DGKH: variants seen among roughly 807,000 people sequenced by gnomAD.
DGKH encodes the protein DAG kinase eta.
Under a neutral mutation model 159.3 loss-of-function variants are expected in DGKH, and 90 were observed. The ratio of observed to expected loss-of-function variants is 0.57; its 90% CI spans 0.48 to 0.67. The LOEUF is 0.67. Among genes scored for constraint, DGKH ranks in the 30% least tolerant of loss-of-function variants. DGKH has a pLI of 0.00. For missense variants in DGKH, 1,181 were observed against 1,506.1 expected, an observed-to-expected ratio of 0.78 and a Z score of 3.57; for synonymous variants, 536 against 553.8, an observed-to-expected ratio of 0.97 and a Z score of 0.45.
At position 42,229,467 on chromosome 13, in the gene DGKH, T is replaced by C. The variant is rs983659430; in HGVS notation, c.*279T>C. ...ATAAGGTAGGAGGAATCTGAGACGA[T>C]TGCATTGTCTAAACAGTGGAATTGC... On this transcript the variant is annotated 3_prime_UTR_variant, in exon 30 of 30. Coordinates refer to ENST00000337343, the MANE Select transcript of DGKH (RefSeq NM_178009.5). The C allele has an allele frequency of 3.1e-6, 1 of 323,148 alleles. No individual in the cohort carries two copies. The highest frequency in any genetic ancestry group is 5.6e-6 in the Non-Finnish European group (1 of 177,610). The allele number at this position is 323,148 out of a possible 1,614,324, so 20.0% of individuals were successfully genotyped here. A position where few individuals can be genotyped will look rare whatever the true frequency, so the allele number is the denominator to read the frequency against.
chr13:42,101,263 T>C (rs373805056), intron 1 of DGKH, among the ~76,000 whole-genome samples: 27 of 152,354 alleles, frequency 1.8e-4, no homozygotes, highest in African/African-American at 6.3e-4. Flanking sequence ...AAAAATAGTC[T>C]TCTAGAACTT....
chr13:42,250,031 C>T (rs1374961489), intron 29 of DGKH, among the ~76,000 whole-genome samples: 7 of 150,518 alleles, frequency 4.7e-5, no homozygotes, highest in East Asian at 2.0e-4. Context: ...AGTGCAGTGG[C>T]GCGATCTGGG....
intron 1 of DGKH, among the ~76,000 whole-genome samples, chr13:42,086,383 C>T (rs1174538745): frequency 6.6e-6 from 1 of 152,118 alleles, no homozygotes; most frequent in Non-Finnish European, 1.5e-5. Context: ...GCTGTCTCTA[C>T]AATATTGGTA....
Position 42,233,393 on chromosome 13 carries a change from T to C in DGKH, c.*4205T>C, listed in dbSNP as rs1199291438. 2 of 152,190 alleles carry C rather than the reference T, an allele frequency of 1.3e-5. No homozygotes were observed. Among genetic ancestry groups the C allele is most frequent in the African/African-American group, 4.8e-5 (2 of 41,436 alleles). The allele number at this position is 152,190 out of a possible 1,614,324, so 9.4% of individuals were successfully genotyped here. A position where few individuals can be genotyped will look rare whatever the true frequency, so the allele number is the denominator to read the frequency against. Reference sequence around the variant, plus strand: ...GAATCAAAATCTTCCTTTAGCAAAATTTCTCAAACGATTAGCACTGGCCTA... The same window carrying C: ...GAATCAAAATCTTCCTTTAGCAAAACTTCTCAAACGATTAGCACTGGCCTA... On this transcript the variant is annotated 3_prime_UTR_variant, in exon 30 of 30. Coordinates refer to ENST00000337343, the MANE Select transcript of DGKH (RefSeq NM_178009.5).
chr13:42,179,450 T>C (rs1956691047), intron 13 of DGKH, among the ~76,000 whole-genome samples: 1 of 152,174 alleles, frequency 6.6e-6, no homozygotes, highest in Admixed American at 6.5e-5. Flanking sequence ...AAACAGAGTT[T>C]TAGTATTTTA....
rs758155242 is a variant in DGKH at position 42,190,414 on chromosome 13, C to G, written c.1924C>G (p.Pro642Ala). The G allele has an allele frequency of 8.7e-6, 14 of 1,606,626 alleles. No individual in the cohort carries two copies. In the East Asian group the frequency reaches 2.9e-4, roughly 34 times the overall value. Reference protein sequence around the residue: ...IEEAGKVMDDPTVHPCEPANQ... With the variant: ...IEEAGKVMDDATVHPCEPANQ... Reference sequence around the variant, plus strand: ...CTTACTACCTGAAGTTATGGATGACCCGACAGTTCACCCCTGTGAACCAGC... The same window carrying G: ...CTTACTACCTGAAGTTATGGATGACGCGACAGTTCACCCCTGTGAACCAGC... Residue 642 changes from proline to alanine, a missense_variant, in exon 16 of 30, where the codon CCG becomes GCG. Physicochemically the swap from Pro to Ala is conservative, Grantham distance 27. Transcript: ENST00000337343.
intron 7 of DGKH, 76 bp downstream of exon 7, chr13:42,160,212 C>G: frequency 1.3e-6 from 2 of 1,599,794 alleles, no homozygotes; most frequent in Non-Finnish European, 1.7e-6. Context: ...GGTTTAGAGG[C>G]AAAGCAAAGA....
intron 17 of DGKH, among the ~76,000 whole-genome samples, chr13:42,197,437 A>G (rs1239023132): frequency 6.6e-6 from 1 of 152,116 alleles, no homozygotes; most frequent in Admixed American, 6.6e-5. Context: ...CAAAACTATG[A>G]CATTAAACGA....
chr13:42,101,316 A>C (rs1954648357), intron 1 of DGKH, among the ~76,000 whole-genome samples: 1 of 152,262 alleles, frequency 6.6e-6, no homozygotes, highest in Non-Finnish European at 1.5e-5. Context: ...ACGGCACCAA[A>C]TGATACAGCA....
chr13:42,095,599 T>C (rs1233547751), intron 1 of DGKH, among the ~76,000 whole-genome samples: 1 of 152,226 alleles, frequency 6.6e-6, no homozygotes, highest in Non-Finnish European at 1.5e-5. Context: ...CTCCCAATTT[T>C]CTTCTATATT....
chr13:42,129,224 T>G (rs1268121754), intron 2 of DGKH, among the ~76,000 whole-genome samples: 1 of 152,212 alleles, frequency 6.6e-6, no homozygotes, highest in Non-Finnish European at 1.5e-5. Flanking sequence ...TGTTACAAGC[T>G]TCAGAGACAT....
Position 42,189,141 on chromosome 13 carries a change from G to C in DGKH, c.1744G>C (p.Asp582His), listed in dbSNP as rs1447779052. The C allele has an allele frequency of 6.2e-7, 1 of 1,614,252 alleles. No homozygotes were observed. Among genetic ancestry groups the C allele is most frequent in the Admixed American group, 1.7e-5 (1 of 60,026 alleles). Reference sequence around the variant, plus strand: ...CCTCAGCCCTCTCATTGTGGAAGAAGATGCTGTGGAATCGTCCAGTGAAGA... The same window carrying C: ...CCTCAGCCCTCTCATTGTGGAAGAACATGCTGTGGAATCGTCCAGTGAAGA... ...PGLSPLIVEE[D>H]AVESSSEESL... Residue 582 changes from aspartate to histidine, a missense_variant, in exon 15 of 30, where the codon GAT (aspartate) becomes CAT (histidine). Asp to His is a moderately conservative substitution (Grantham distance 81). Transcript: ENST00000337343.
chr13:42,075,682 T>C (rs1328556084), intron 1 of DGKH, among the ~76,000 whole-genome samples: 1 of 152,176 alleles, frequency 6.6e-6, no homozygotes, highest in Non-Finnish European at 1.5e-5. Flanking sequence ...AGGTGGGGAC[T>C]CTTTTAAGCC....
At chr13:42,115,523 G>T (rs1272804680) in intron 1 of DGKH, among the ~76,000 whole-genome samples, 1 of 152,192 alleles carries the variant, frequency 6.6e-6, no homozygotes, top group Non-Finnish European at 1.5e-5. Context: ...CTTTGAAGGA[G>T]GATGGGATGG....
chr13:42,135,942 C>T (rs1292060495), intron 3 of DGKH, among the ~76,000 whole-genome samples: 1 of 152,116 alleles, frequency 6.6e-6, no homozygotes, highest in Non-Finnish European at 1.5e-5. Context: ...TTTTTATTTA[C>T]CCAATTTGTA....
intron 1 of DGKH, among the ~76,000 whole-genome samples, chr13:42,106,029 A>G (rs1317893899): frequency 6.6e-6 from 1 of 151,028 alleles, no homozygotes; most frequent in Non-Finnish European, 1.5e-5. Flanking sequence ...TTATTTTGAG[A>G]CAGAGTCTTG....
chr13:42,239,735 A>G lies in DGKH; in HGVS notation c.*10547A>G, dbSNP rs1029216951. 3.3e-5 allele frequency: 5 copies of G among 152,572 alleles called. No individual in the cohort carries two copies. The highest frequency in any genetic ancestry group is 7.4e-5 in the Non-Finnish European group (5 of 68,012). The allele number at this position is 152,572 out of a possible 1,614,324, so 9.5% of individuals were successfully genotyped here. On this transcript the variant is annotated 3_prime_UTR_variant, in exon 30 of 30. Coordinates refer to ENST00000337343, the MANE Select transcript of DGKH (RefSeq NM_178009.5). ...GGTCTCTCTAAAACAAATTTGCTAA[A>G]GTTCTTAAGTAGGCTCTTTTTTCTC...
chr13:42,225,220 G>C, intron 29 of DGKH: 1 of 1,503,534 alleles, frequency 6.7e-7, no homozygotes, highest in South Asian at 1.2e-5. Context: ...ACCATGCCCA[G>C]CCAGGAAAGT....
chr13:42,168,726 A>G lies in DGKH; in HGVS notation c.1275A>G (p.Arg425=). The change falls in exon 11 of 30, where the codon CGA becomes CGG. Residue 425 remains arginine, a synonymous_variant. Coordinates refer to ENST00000337343, the MANE Select transcript of DGKH (RefSeq NM_178009.5). ...LPLGTGNDLA[R]VLGWGGSYDD... is the part of the protein sequence containing the mutation. ...TGGGTACAGGAAATGACCTTGCCCG[A>G]GTTCTTGGCTGGGGAGGTTCATATG... is the stretch of plus-strand genomic sequence containing the variant. 1 of 1,614,152 alleles carries G rather than the reference A, an allele frequency of 6.2e-7. No individual in the cohort carries two copies. Among genetic ancestry groups the G allele is most frequent in the East Asian group, 2.2e-5 (1 of 44,886 alleles).
Sources: gnomAD v4.1 joint callset for allele counts (sites outside exome capture counted in the v4.1 genomes callset) on GRCh38, gnomAD v4.1.1 for gene constraint, MANE v1.5 for transcripts, NCBI Gene and HGNC (gene_info 2026-07-23, HGNC 2026-07-21) for gene names.